The following PCLO variants were observed in gnomAD, a reference collection of about 807,000 sequenced individuals.
PCLO encodes protein piccolo.
In PCLO, 82 loss-of-function variants were observed where a neutral mutation model predicts 427.5. That is an observed-to-expected ratio of 0.19 (90% CI 0.16 to 0.23). PCLO has a LOEUF of 0.23. Ranked by LOEUF, PCLO falls within the 10% of genes least tolerant of loss-of-function variation. PCLO has a pLI of 1.00. For missense variants in PCLO, 6,239 were observed against 6,115.9 expected, an observed-to-expected ratio of 1.02 and a Z score of -0.67; for synonymous variants, 2,357 against 2,155.4, an observed-to-expected ratio of 1.09 and a Z score of -2.59.
intron 3 of PCLO, among the ~76,000 whole-genome samples, chr7:82,977,634 A>G (rs1796051172): frequency 6.6e-6 from 1 of 151,858 alleles, no homozygotes; most frequent in African/African-American, 2.4e-5. Context: ...GGCTGGTCTC[A>G]AGTTCCTGAC....
chr7:83,144,984 T>C (rs771004166), intron 2 of PCLO, among the ~76,000 whole-genome samples: 1 of 152,164 alleles, frequency 6.6e-6, no homozygotes, highest in Non-Finnish European at 1.5e-5. Flanking sequence ...TTGCAAGTGA[T>C]TTTTTTATTA....
chr7:82,774,219 T>G (rs541154035), intron 22 of PCLO, among the ~76,000 whole-genome samples: 26 of 152,324 alleles, frequency 1.7e-4, no homozygotes, highest in South Asian at 1.5e-3. Context: ...TAGGACCTTA[T>G]GTAAGAGCCA....
intron 3 of PCLO, among the ~76,000 whole-genome samples, chr7:83,123,543 A>C (rs1268070879): frequency 1.3e-5 from 2 of 152,096 alleles, no homozygotes; most frequent in East Asian, 3.9e-4. Context: ...CATTAGGGAA[A>C]CTCTCCAGAA....
At chr7:82,760,324 C>A (rs533661222) in intron 24 of PCLO, among the ~76,000 whole-genome samples, 1 of 151,850 alleles carries the variant, frequency 6.6e-6, no homozygotes, top group South Asian at 2.1e-4. Flanking sequence ...TGACAATAGG[C>A]CAGGTAAACA....
intron 22 of PCLO, among the ~76,000 whole-genome samples, chr7:82,797,350 C>CA (rs1160117961): frequency 6.6e-6 from 1 of 151,920 alleles, no homozygotes; most frequent in Non-Finnish European, 1.5e-5. Flanking sequence ...TGCTCACTGG[C>CA]AAAAAATAAC....
In PCLO at chr7:82,943,458, AT is replaced by A. The variant is rs552985712; in HGVS notation, c.11112+6017del. ...TGATATTTCTTAAATATACAAACTA[AT>A]TTTTTTGATAGAAAAATCACTAAGA... On this transcript the variant is annotated intron_variant, in intron 6 of 24. Coordinates refer to ENST00000333891, the MANE Select transcript of PCLO (RefSeq NM_033026.6). 4.7e-4 allele frequency among the ~76,000 whole-genome samples: 72 copies of A among 152,218 alleles called. No homozygotes were observed. The South Asian group carries it at 0.013, about 28-fold the overall frequency.
At chr7:82,904,982 A>T (rs1794150841) in intron 8 of PCLO, among the ~76,000 whole-genome samples, 1 of 152,072 alleles carries the variant, frequency 6.6e-6, no homozygotes. Flanking sequence ...AATTAGATGT[A>T]CGAGCTAGAT....
intron 6 of PCLO, among the ~76,000 whole-genome samples, chr7:82,930,483 A>G (rs1369303260): frequency 3.3e-5 from 5 of 152,216 alleles, no homozygotes; most frequent in African/African-American, 1.2e-4. Flanking sequence ...ACTATTATTA[A>G]TGGTACAAAA....
intron 3 of PCLO, among the ~76,000 whole-genome samples, chr7:83,027,528 C>A (rs1247011535): frequency 6.6e-6 from 1 of 151,722 alleles, no homozygotes; most frequent in Non-Finnish European, 1.5e-5. Context: ...ACCAGAGGTA[C>A]AAGGAGGAAC....
intron 13 of PCLO, 74 bp from the exon 14 acceptor site, chr7:82,841,583 G>T: frequency 1.0e-6 from 1 of 962,180 alleles, no homozygotes; most frequent in South Asian, 1.5e-5. Flanking sequence ...GCTTCCTTCT[G>T]AAATTAGTTT....
chr7:83,010,493 C>T (rs1050223258), intron 3 of PCLO, among the ~76,000 whole-genome samples: 2 of 151,380 alleles, frequency 1.3e-5, no homozygotes, highest in African/African-American at 4.8e-5. Flanking sequence ...TTTTGGCCAC[C>T]AAACATGATA....
intron 3 of PCLO, among the ~76,000 whole-genome samples, chr7:83,051,219 AT>A (rs2116264492): frequency 6.6e-6 from 1 of 152,274 alleles, no homozygotes; most frequent in Non-Finnish European, 1.5e-5. Flanking sequence ...AGCTAATGCA[AT>A]AAAAAAAGAG....
chr7:82,899,378 T>C (rs1313292417), intron 9 of PCLO, among the ~76,000 whole-genome samples: 2 of 151,466 alleles, frequency 1.3e-5, no homozygotes, highest in Non-Finnish European at 3.0e-5. Flanking sequence ...CTTCCAGACA[T>C]TGTCAAAGAC....
At chr7:83,156,453 AAAGT>A in intron 1 of PCLO, 61 bp from the exon 2 acceptor site, 1 of 1,085,796 alleles carries the variant, frequency 9.2e-7, no homozygotes, top group South Asian at 1.8e-5. Context: ...ATTTCAAATC[AAAGT>A]AATACAAAAA....
intron 13 of PCLO, among the ~76,000 whole-genome samples, chr7:82,844,703 A>C (rs1792454703): frequency 6.6e-6 from 1 of 152,144 alleles, no homozygotes; most frequent in African/African-American, 2.4e-5. Flanking sequence ...GTTAAAAAAT[A>C]ATTTTATGCT....
intron 22 of PCLO, among the ~76,000 whole-genome samples, chr7:82,765,397 G>A (rs1790512474): frequency 2.6e-5 from 4 of 150,992 alleles, no homozygotes; most frequent in Admixed American, 2.6e-4. Flanking sequence ...TAATAAAGAT[G>A]TCCACTAAAA....
chr7:83,138,875 C>T (rs1040410841), intron 2 of PCLO, among the ~76,000 whole-genome samples: 2 of 151,254 alleles, frequency 1.3e-5, no homozygotes, highest in African/African-American at 2.4e-5. Flanking sequence ...TACCTAATGT[C>T]GATAACAGGT....
chr7:82,791,449 T>C (rs1041687600), intron 22 of PCLO, among the ~76,000 whole-genome samples: 1 of 152,124 alleles, frequency 6.6e-6, no homozygotes, highest in Non-Finnish European at 1.5e-5. Flanking sequence ...CAGCCTAAAA[T>C]TGCATCTGCT....
intron 3 of PCLO, among the ~76,000 whole-genome samples, chr7:83,006,064 C>T (rs1011917670): frequency 1.1e-4 from 16 of 151,608 alleles, no homozygotes; most frequent in Non-Finnish European, 3.0e-5. Context: ...GTACGCAATG[C>T]ATTTTATGGC....
Sources: allele counts gnomAD v4.1 joint callset (sites outside exome capture counted in the v4.1 genomes callset), GRCh38; gene constraint gnomAD v4.1.1; transcripts MANE v1.5; gene names NCBI Gene and HGNC (gene_info 2026-07-23, HGNC 2026-07-21).